The following C8A variants were observed in gnomAD, a reference collection of about 807,000 sequenced individuals.
C8A encodes complement C8 alpha chain.
A neutral mutation model predicts 65.3 loss-of-function variants in C8A; 67 were observed. That is an observed-to-expected ratio of 1.03 (90% CI 0.84 to 1.26). C8A has a LOEUF of 1.26. Ranked by LOEUF, C8A falls within the 50% of genes most tolerant of loss-of-function variation. C8A has a pLI of 0.00. For missense variants in C8A, 781 were observed against 723.9 expected, an observed-to-expected ratio of 1.08 and a Z score of -0.90; for synonymous variants, 290 against 259.4, an observed-to-expected ratio of 1.12 and a Z score of -1.13.
At chr1:56,862,675 C>T (rs1225775623) in intron 1 of C8A, among the ~76,000 whole-genome samples, 1 of 152,052 alleles carries the variant, frequency 6.6e-6, no homozygotes, top group African/African-American at 2.4e-5. Flanking sequence ...GCAGCTTGCT[C>T]ATAGTAGCCC....
chr1:56,905,840 T>A lies in C8A; in HGVS notation c.1097-827T>A, dbSNP rs1274567351. Among the ~76,000 whole-genome samples the A allele has an allele frequency of 2.6e-5, 4 of 152,172 alleles. No homozygotes were observed. In the East Asian group the frequency reaches 7.7e-4, roughly 29 times the overall value. On this transcript the variant is annotated intron_variant, in intron 7 of 10. Transcript: ENST00000361249. ...TGTAGCATGGGCAATATTCCTCCAG[T>A]CTGTTTATCTAGTTTTATCTTGCCA...
intron 3 of C8A, 136 bp from the exon 4 acceptor site, chr1:56,875,926 G>A (rs1644193772): frequency 1.6e-6 from 2 of 1,212,768 alleles, no homozygotes; most frequent in Middle Eastern, 2.7e-4. Flanking sequence ...TGGAAGGAAG[G>A]CAGAGGCAGT....
Position 56,916,586 on chromosome 1 carries a change from C to G in C8A, c.1604-979C>G, listed in dbSNP as rs996646530. On this transcript the variant is annotated intron_variant, in intron 10 of 10. Coordinates refer to ENST00000361249, the MANE Select transcript of C8A (RefSeq NM_000562.3). ...ATAGTCACACTGTGATCTGAGGAGC[C>G]CTGGGGTCTCAGAGCTGCCCCAGCA... 2.6e-5 allele frequency among the ~76,000 whole-genome samples: 4 copies of G among 152,090 alleles called. 1 individual carries two copies. In the East Asian group the frequency reaches 7.7e-4, roughly 29 times the overall value.
chr1:56,878,551 A>C (rs930137271), intron 4 of C8A, among the ~76,000 whole-genome samples: 1 of 151,998 alleles, frequency 6.6e-6, no homozygotes, highest in African/African-American at 2.4e-5. Context: ...GTCCTGCTCC[A>C]CTCCAGCCAC....
At chr1:56,906,969 A>G (rs1163550667) in intron 8 of C8A, among the ~76,000 whole-genome samples, 177 bp downstream of exon 8, 2 of 152,184 alleles carry the variant, frequency 1.3e-5, no homozygotes, top group Admixed American at 1.3e-4. Flanking sequence ...TGAATCTACC[A>G]TGGGCTTAAA....
chr1:56,887,238 C>CA (rs1279383308), intron 7 of C8A, among the ~76,000 whole-genome samples: 2 of 152,162 alleles, frequency 1.3e-5, no homozygotes, highest in Non-Finnish European at 1.5e-5. Context: ...ATTGCTGGGT[C>CA]AAGTGGTACT....
intron 9 of C8A, among the ~76,000 whole-genome samples, chr1:56,911,109 T>C (rs1012844863): frequency 1.4e-5 from 2 of 143,340 alleles, no homozygotes; most frequent in Admixed American, 1.5e-4. Context: ...CTAACAAAAA[T>C]GGTGCTTTAT....
rs572586937 is a variant in C8A, at chr1:56,858,022, G to T, written c.77+3044G>T. On this transcript the variant is annotated intron_variant, in intron 1 of 10. Coordinates refer to ENST00000361249, the MANE Select transcript of C8A (RefSeq NM_000562.3). ...TCTGCAATGTTTAATCTGCTGTTAA[G>T]CCTGTCCAGTGAATTTTAAATTTCA... Among the ~76,000 whole-genome samples the T allele has an allele frequency of 4.2e-4, 64 of 152,132 alleles. 1 individual carries two copies. The South Asian group carries it at 0.013, about 31-fold the overall frequency.
chr1:56,911,724 G>A (rs568919492), intron 9 of C8A, among the ~76,000 whole-genome samples: 2 of 152,320 alleles, frequency 1.3e-5, no homozygotes, highest in South Asian at 4.2e-4. Flanking sequence ...GGTCATGTCT[G>A]GAATGGGTTG....
intron 1 of C8A, among the ~76,000 whole-genome samples, chr1:56,860,843 A>C (rs184468344): frequency 6.6e-6 from 1 of 152,364 alleles, no homozygotes; most frequent in East Asian, 1.9e-4. Context: ...ACCGGACTGC[A>C]CTTTGAGGAA....
At chr1:56,873,340 A>G (rs1644164632) in intron 2 of C8A, among the ~76,000 whole-genome samples, 1 of 152,182 alleles carries the variant, frequency 6.6e-6, no homozygotes, top group South Asian at 2.1e-4. Flanking sequence ...CTCAGAGCTC[A>G]CACAGTCCTT....
intron 7 of C8A, among the ~76,000 whole-genome samples, chr1:56,902,616 A>G: frequency 6.6e-6 from 1 of 152,148 alleles, no homozygotes; most frequent in Non-Finnish European, 1.5e-5. Flanking sequence ...TATAATTGAG[A>G]CTTTATGGTC....
intron 2 of C8A, among the ~76,000 whole-genome samples, chr1:56,871,312 G>A (rs1644145405): frequency 6.6e-6 from 1 of 152,194 alleles, no homozygotes; most frequent in Non-Finnish European, 1.5e-5. Flanking sequence ...ACTCCAAAAA[G>A]CTTCCGCGGC....
In C8A at chr1:56,870,890, G is replaced by A. The variant is rs142555595; in HGVS notation, c.171+3188G>A. ...TTCTCAAAATCATCCAAACAAAGAT[G>A]TACATTTATGGAAGGAAACATTATC... is the stretch of plus-strand genomic sequence containing the variant. On this transcript the variant is annotated intron_variant, in intron 2 of 10. Transcript: ENST00000361249. 9.8e-4 allele frequency among the ~76,000 whole-genome samples: 149 copies of A among 152,130 alleles called. 1 individual carries two copies. Among genetic ancestry groups the A allele is most frequent in the African/African-American group, 3.2e-3 (131 of 41,498 alleles).
chr1:56,908,297 G>A (rs552844748), intron 9 of C8A, among the ~76,000 whole-genome samples, 184 bp downstream of exon 9: 139 of 152,242 alleles, frequency 9.1e-4, no homozygotes, highest in Non-Finnish European at 1.5e-3. Context: ...CCCAGGCCAC[G>A]GGACAGCTGG....
chr1:56,870,869 C>CA (rs1644140858), intron 2 of C8A, among the ~76,000 whole-genome samples: 1 of 152,048 alleles, frequency 6.6e-6, no homozygotes, highest in Non-Finnish European at 1.5e-5. Flanking sequence ...TTCTTCTTCT[C>CA]AAAATCATCC....
chr1:56,872,938 A>G (rs1020993871), intron 2 of C8A, among the ~76,000 whole-genome samples: 1 of 152,118 alleles, frequency 6.6e-6, no homozygotes, highest in Non-Finnish European at 1.5e-5. Context: ...CTACATTTCT[A>G]TGCTGATCAC....
chr1:56,873,832 A>T (rs1003741347), intron 2 of C8A, among the ~76,000 whole-genome samples: 1 of 152,160 alleles, frequency 6.6e-6, no homozygotes, highest in South Asian at 2.1e-4. Flanking sequence ...TATGTCCTCA[A>T]CTAGGGTCTA....
chr1:56,916,813 G>C (rs780398803), intron 10 of C8A, among the ~76,000 whole-genome samples: 1 of 152,194 alleles, frequency 6.6e-6, no homozygotes, highest in African/African-American at 2.4e-5. Flanking sequence ...CCCAGGCTAG[G>C]TAATTCTCTG....
Sources: allele counts gnomAD v4.1 joint callset (sites outside exome capture counted in the v4.1 genomes callset), GRCh38; gene constraint gnomAD v4.1.1; transcripts MANE v1.5; gene names NCBI Gene and HGNC (gene_info 2026-07-23, HGNC 2026-07-21).